The following GAS7 variants were observed in gnomAD, a reference collection of about 807,000 sequenced individuals.
GAS7 encodes the protein growth arrest specific 7.
Under a neutral mutation model 71.1 loss-of-function variants are expected in GAS7, and 28 were observed. The observed-to-expected ratio is 0.39, with a 90% CI of 0.29 to 0.54. The LOEUF is 0.54. Among genes scored for constraint, GAS7 ranks in the 20% least tolerant of loss-of-function variants. GAS7 has a pLI of 0.62. For synonymous variants in GAS7, 258 were observed against 245.8 expected (o/e 1.05, Z -0.46); for missense variants, 436 against 627.8 (o/e 0.69, Z 3.27).
At chr17:10,133,123 T>TATA (rs770717224) in intron 1 of GAS7, among the ~76,000 whole-genome samples, 6,400 of 129,152 alleles carry the variant, frequency 0.05, 288 homozygotes, top group East Asian at 0.19. Flanking sequence ...TATTTTTATA[T>TATA]TTTTTTTTTT....
chr17:9,976,648 C>CT (rs1302421170), intron 3 of GAS7, among the ~76,000 whole-genome samples: 2 of 152,198 alleles, frequency 1.3e-5, no homozygotes, highest in African/African-American at 4.8e-5. Flanking sequence ...CATTCACTCT[C>CT]TCCCCTTTAA....
intron 9 of GAS7, among the ~76,000 whole-genome samples, chr17:9,927,443 G>A (rs1276222171): frequency 6.6e-6 from 1 of 151,206 alleles, no homozygotes; most frequent in African/African-American, 2.4e-5. Flanking sequence ...TTGTGCCACT[G>A]CACTTCAGCC....
chr17:10,157,248 C>T (rs951783615), intron 1 of GAS7, among the ~76,000 whole-genome samples: 1 of 152,176 alleles, frequency 6.6e-6, no homozygotes, highest in African/African-American at 2.4e-5. Flanking sequence ...CAGGGCCTGA[C>T]ACCCTGAAGT....
chr17:10,102,205 TAAAAAAA>T (rs34961542), intron 1 of GAS7, among the ~76,000 whole-genome samples: 5 of 70,272 alleles, frequency 7.1e-5, no homozygotes, highest in South Asian at 6.4e-4. Flanking sequence ...AGAGTGCCCG[TAAAAAAA>T]AAAAAAAAAA....
At chr17:10,165,725 C>G (rs2074289168) in intron 1 of GAS7, among the ~76,000 whole-genome samples, 1 of 152,226 alleles carries the variant, frequency 6.6e-6, no homozygotes, top group Non-Finnish European at 1.5e-5. Flanking sequence ...TAGAGGCTCC[C>G]CTACTCCAGC....
intron 1 of GAS7, among the ~76,000 whole-genome samples, chr17:10,025,704 G>A (rs1033945412): frequency 2.0e-5 from 3 of 152,018 alleles, no homozygotes; most frequent in Admixed American, 1.3e-4. Context: ...AGTCACCTGG[G>A]ATGTGAGTTC....
At chr17:9,975,759 A>C (rs2070175478) in intron 3 of GAS7, among the ~76,000 whole-genome samples, 1 of 152,174 alleles carries the variant, frequency 6.6e-6, no homozygotes, top group Admixed American at 6.5e-5. Flanking sequence ...GCCTTTTAGA[A>C]TATGCTGACA....
Position 9,919,280 on chromosome 17 carries a change from C to T in GAS7, c.1218+346G>A, listed in dbSNP as rs1213891451. On this transcript the variant is annotated intron_variant, in intron 12 of 13. Coordinates refer to ENST00000432992, the MANE Select transcript of GAS7 (RefSeq NM_201433.2). This position sits in a 1 kb window ranked among gnomAD's most constrained non-coding sequence, Gnocchi z 5.0. ...AACTCGTGTGTGTGCATGTGTGGGGCGGTCCTCTCTTCCTATAGCTTGGCT... is the reference window on the plus strand; with the variant it reads ...AACTCGTGTGTGTGCATGTGTGGGGTGGTCCTCTCTTCCTATAGCTTGGCT... Among the ~76,000 whole-genome samples the T allele has an allele frequency of 3.9e-5, 6 of 152,028 alleles. No homozygotes were observed. Among genetic ancestry groups the T allele is most frequent in the African/African-American group, 4.8e-5 (2 of 41,386 alleles).
At chr17:9,993,064 T>A (rs890481534) in intron 2 of GAS7, among the ~76,000 whole-genome samples, 1 of 152,108 alleles carries the variant, frequency 6.6e-6, no homozygotes, top group African/African-American at 2.4e-5. Context: ...GCAATAAACA[T>A]ACATGTGCAT....
chr17:10,029,851 C>T (rs1159824233), intron 1 of GAS7, among the ~76,000 whole-genome samples: 1 of 136,700 alleles, frequency 7.3e-6, no homozygotes, highest in East Asian at 2.1e-4. Context: ...GACTCCGTCT[C>T]AAAAAAAAAA....
At chr17:10,176,900 C>T (rs1345292650) in intron 1 of GAS7, among the ~76,000 whole-genome samples, 1 of 152,166 alleles carries the variant, frequency 6.6e-6, no homozygotes, top group Non-Finnish European at 1.5e-5. Flanking sequence ...CAAGATGTCC[C>T]CAGTTCTTAA....
At chr17:10,144,893 G>C (rs1597817813) in intron 1 of GAS7, among the ~76,000 whole-genome samples, 2 of 152,204 alleles carry the variant, frequency 1.3e-5, no homozygotes, top group South Asian at 4.1e-4. Context: ...CTTTGAGCTA[G>C]GTAAGAACTG....
chr17:10,102,116 A>G (rs893659445), intron 1 of GAS7, among the ~76,000 whole-genome samples: 1 of 151,878 alleles, frequency 6.6e-6, no homozygotes, highest in African/African-American at 2.4e-5. Context: ...TTCAAGGAAG[A>G]AAACAAACCA....
At chr17:10,161,636 CAGATCTCAGT>C (rs2074256736) in intron 1 of GAS7, among the ~76,000 whole-genome samples, 1 of 152,190 alleles carries the variant, frequency 6.6e-6, no homozygotes, top group Admixed American at 6.5e-5. Flanking sequence ...TTAATCTTGA[CAGATCTCAGT>C]TGTTCCACTC....
intron 1 of GAS7, among the ~76,000 whole-genome samples, chr17:10,035,897 G>A (rs947773900): frequency 6.6e-6 from 1 of 152,170 alleles, no homozygotes; most frequent in Non-Finnish European, 1.5e-5. Context: ...CATGACCCCA[G>A]GAGCTCCCAC....
chr17:10,031,518 C>T lies in GAS7; in HGVS notation c.184-11621G>A, dbSNP rs147995846. Among the ~76,000 whole-genome samples the T allele has an allele frequency of 5.7e-3, 870 of 152,326 alleles. 13 individuals are homozygous for T. Among genetic ancestry groups the T allele is most frequent in the African/African-American group, 0.02 (820 of 41,570 alleles). On this transcript the variant is annotated intron_variant, in intron 1 of 13. Transcript: ENST00000432992. ...CCCTCCTGGGTCAGAAGTCATGTCA[C>T]AGCCTTGCAGCATCTGAGAATCAAG... is the stretch of plus-strand genomic sequence containing the variant.
At chr17:10,004,964 C>G (rs563324325) in intron 2 of GAS7, among the ~76,000 whole-genome samples, 1 of 152,064 alleles carries the variant, frequency 6.6e-6, no homozygotes, top group Admixed American at 6.5e-5. Flanking sequence ...GAGCTGAGAT[C>G]GCGCCATTGC....
At chr17:10,063,251 G>A (rs906139928) in intron 1 of GAS7, among the ~76,000 whole-genome samples, 1 of 152,224 alleles carries the variant, frequency 6.6e-6, no homozygotes, top group Non-Finnish European at 1.5e-5. Context: ...GCAACGGCAT[G>A]GTGGCACCTG....
intron 1 of GAS7, among the ~76,000 whole-genome samples, chr17:10,092,728 C>A (rs1296636814): frequency 1.3e-5 from 2 of 152,324 alleles, no homozygotes; most frequent in South Asian, 4.1e-4. Flanking sequence ...GCCACGCCCC[C>A]CTTGGAGGCT....
Sources: gnomAD v4.1 joint callset for allele counts (sites outside exome capture counted in the v4.1 genomes callset) on GRCh38, gnomAD v4.1.1 for gene constraint, Gnocchi (gnomAD v3.1) non-coding constraint, MANE v1.5 for transcripts, NCBI Gene and HGNC (gene_info 2026-07-23, HGNC 2026-07-21) for gene names.